The following MKLN1 variants were observed in gnomAD, a reference collection of about 807,000 sequenced individuals.
MKLN1 encodes the protein muskelin.
MKLN1 carries 18 observed loss-of-function variants against 99.0 expected under a neutral mutation model. The observed-to-expected ratio is 0.18, with a 90% CI of 0.13 to 0.27. The LOEUF is 0.27. Among genes scored for constraint, MKLN1 ranks in the 10% least tolerant of loss-of-function variants. The probability of loss-of-function intolerance (pLI) is 1.00; values close to 1 mark genes in which losing one functional copy is unlikely to be tolerated. For missense variants in MKLN1, 621 were observed against 875.9 expected (o/e 0.71, Z 3.67); for synonymous variants, 288 against 293.2 (o/e 0.98, Z 0.18).
At chr7:131,204,373 A>G (rs1164273539) in intron 3 of MKLN1, among the ~76,000 whole-genome samples, 1 of 152,170 alleles carries the variant, frequency 6.6e-6, no homozygotes, top group Non-Finnish European at 1.5e-5. Flanking sequence ...AAGATCAGGG[A>G]TCAGGAATAG....
intron 1 of MKLN1, among the ~76,000 whole-genome samples, chr7:131,342,784 T>A (rs1799445613): frequency 6.6e-6 from 1 of 152,224 alleles, no homozygotes; most frequent in Admixed American, 6.5e-5. Flanking sequence ...TGGAGATCTC[T>A]ATTTTCTACA....
At chr7:131,389,016 A>C in intron 4 of MKLN1, 44 bp downstream of exon 4, 1 of 1,346,896 alleles carries the variant, frequency 7.4e-7, no homozygotes, top group Non-Finnish European at 1.0e-6. Flanking sequence ...TCTTGATATC[A>C]TCAGTCAGCA....
At chr7:131,281,209 C>CT (rs544553907) in intron 3 of MKLN1, among the ~76,000 whole-genome samples, 16,854 of 142,856 alleles carry the variant, frequency 0.12, 1,213 homozygotes, top group African/African-American at 0.21. Flanking sequence ...TTGAGTTATT[C>CT]TTTTTTTTTT....
rs1318471543 is a variant in MKLN1, at chr7:131,464,204, A to G, written c.1674-90A>G. 1.1e-5 allele frequency: 7 copies of G among 641,958 alleles called. No individual in the cohort carries two copies. The Admixed American group carries it at 1.4e-4, about 13-fold the overall frequency. The allele number at this position is 641,958 out of a possible 1,614,324, so 39.8% of individuals were successfully genotyped here. On this transcript the variant is annotated intron_variant, in intron 13 of 17. Coordinates refer to ENST00000352689, the MANE Select transcript of MKLN1 (RefSeq NM_013255.5). Reference sequence around the variant, plus strand: ...GAACGCATTTCTAAAATTTTTTGTTAGTAATTAGACATGCAGTTAATTTGC... The same window carrying G: ...GAACGCATTTCTAAAATTTTTTGTTGGTAATTAGACATGCAGTTAATTTGC...
chr7:131,182,055 A>G (rs182265047), intron 2 of MKLN1, among the ~76,000 whole-genome samples: 1 of 151,938 alleles, frequency 6.6e-6, no homozygotes, highest in African/African-American at 2.4e-5. Context: ...AATTGCTGGA[A>G]CCCGGGACGG....
chr7:131,473,873 G>C (rs958634911), intron 16 of MKLN1, among the ~76,000 whole-genome samples: 1 of 152,218 alleles, frequency 6.6e-6, no homozygotes, highest in Non-Finnish European at 1.5e-5. Context: ...ACTGGGCCGG[G>C]CACAGTGGTT....
At chr7:131,471,558 C>T (rs1438936956) in intron 16 of MKLN1, 1 of 152,190 alleles carries the variant, frequency 6.6e-6, no homozygotes, top group Admixed American at 6.5e-5. Flanking sequence ...GATTTCATAT[C>T]CTTAAGGACA....
At chr7:131,274,547 G>T (rs1036317751) in intron 3 of MKLN1, among the ~76,000 whole-genome samples, 2 of 151,676 alleles carry the variant, frequency 1.3e-5, no homozygotes, top group African/African-American at 4.8e-5. Context: ...GTAGGCTGAG[G>T]GGGGAGGATC....
At chr7:131,316,288 C>T (rs1798667119) in intron 3 of MKLN1, among the ~76,000 whole-genome samples, 1 of 152,190 alleles carries the variant, frequency 6.6e-6, no homozygotes, top group South Asian at 2.1e-4. Flanking sequence ...TCTGCAACCT[C>T]CACTGGTGAT....
intron 3 of MKLN1, among the ~76,000 whole-genome samples, chr7:131,261,291 T>G (rs1157986822): frequency 6.6e-6 from 1 of 152,074 alleles, no homozygotes; most frequent in Non-Finnish European, 1.5e-5. Context: ...CTTAAACAAA[T>G]TAACAAGCAA....
intron 3 of MKLN1, among the ~76,000 whole-genome samples, chr7:131,314,497 A>T (rs993555933): frequency 6.6e-6 from 1 of 152,076 alleles, no homozygotes; most frequent in Non-Finnish European, 1.5e-5. Context: ...ATCTCGGCTC[A>T]CTGCAAGCTC....
At chr7:131,411,843 G>T (rs1387154334) in intron 7 of MKLN1, among the ~76,000 whole-genome samples, 2 of 145,722 alleles carry the variant, frequency 1.4e-5, no homozygotes, top group East Asian at 4.2e-4. Flanking sequence ...TGAGGCAGAG[G>T]TTGCAGTGAG....
intron 2 of MKLN1, among the ~76,000 whole-genome samples, chr7:131,381,385 T>C (rs1214408933): frequency 1.3e-5 from 2 of 152,192 alleles, no homozygotes; most frequent in East Asian, 3.8e-4. Flanking sequence ...CTTTAAAGCA[T>C]TTATGGGATT....
upstream of MKLN1, among the ~76,000 whole-genome samples, chr7:131,326,520 T>C (rs1307349928): frequency 2.0e-5 from 3 of 152,108 alleles, no homozygotes; most frequent in Non-Finnish European, 4.4e-5. Context: ...AACTTTTGTA[T>C]TTTTAGTAGA....
At chr7:131,440,262 A>G (rs1284172495) in intron 10 of MKLN1, among the ~76,000 whole-genome samples, 1 of 152,200 alleles carries the variant, frequency 6.6e-6, no homozygotes. Context: ...AATGGCCAGT[A>G]AGAAACCTGG....
chr7:131,241,891 AC>A (rs1391768948), intron 3 of MKLN1, among the ~76,000 whole-genome samples: 1 of 152,042 alleles, frequency 6.6e-6, no homozygotes, highest in Non-Finnish European at 1.5e-5. Flanking sequence ...CACATTTTGA[AC>A]CTTTTTGTCT....
At position 131,192,203 on chromosome 7, in the gene MKLN1, CA is replaced by C. The variant is rs1563247488; in HGVS notation, c.-296-10652del. On this transcript the variant is annotated intron_variant, in intron 2 of 7. Coordinates refer to the MKLN1 transcript ENST00000416992. ...AAAAATATATAAAATATAATATATA[CA>C]ATATATAAATATATAAAATATATAC... 6.9e-4 allele frequency among the ~76,000 whole-genome samples: 44 copies of C among 63,802 alleles called. 9 individuals carry two copies. The highest frequency in any genetic ancestry group is 2.9e-3 in the African/African-American group (36 of 12,588). The allele number at this position is 63,802 out of a possible 152,430, so 41.9% of individuals were successfully genotyped here.
At chr7:131,229,761 C>T (rs541943455) in intron 3 of MKLN1, among the ~76,000 whole-genome samples, 149 of 152,044 alleles carry the variant, frequency 9.8e-4, no homozygotes, top group African/African-American at 3.5e-3. Flanking sequence ...GCCATGTTGC[C>T]CGGGCTGGTG....
chr7:131,357,864 G>A (rs1799928058), intron 1 of MKLN1, among the ~76,000 whole-genome samples: 1 of 152,006 alleles, frequency 6.6e-6, no homozygotes, highest in South Asian at 2.1e-4. Flanking sequence ...ACAAAATCTG[G>A]GTGCTAGATG....
Sources: allele counts gnomAD v4.1 joint callset (sites outside exome capture counted in the v4.1 genomes callset), GRCh38; gene constraint gnomAD v4.1.1; transcripts MANE v1.5; gene names NCBI Gene and HGNC (gene_info 2026-07-23, HGNC 2026-07-21).